Variants in RNF187 observed in about 807,000 individuals in gnomAD.
RNF187 encodes ring finger protein 187, also known as E3 ubiquitin-protein ligase RNF187.
Under a neutral mutation model 22.2 loss-of-function variants are expected in RNF187, and 18 were observed. The observed-to-expected ratio is 0.81, with a 90% CI of 0.56 to 1.20. The LOEUF (loss-of-function observed/expected upper bound fraction) is 1.20, where lower values mean the gene tolerates loss of function less well. RNF187 is among the 50% of genes most tolerant of loss of function. The pLI, the probability that RNF187 is intolerant of heterozygous loss-of-function variation, is 0.00. For synonymous variants in RNF187, 164 were observed against 140.9 expected, an observed-to-expected ratio of 1.16 and a Z score of -1.16; for missense variants, 329 against 317.6, an observed-to-expected ratio of 1.04 and a Z score of -0.27.
chr1:228,491,399 A>AAAAT lies in RNF187; in HGVS notation c.484-1651_484-1650insTAAA. Among the ~76,000 whole-genome samples, 49 of 150,408 alleles carry AAAAT rather than the reference A, an allele frequency of 3.3e-4. 1 individual carries two copies. The highest frequency in any genetic ancestry group is 1.2e-3 in the African/African-American group (48 of 40,652). On this transcript the variant is annotated intron_variant, in intron 2 of 3. Transcript: ENST00000305943. ...TGAGGCCCTATCTCAAAAAAAAAAA[A>AAAAT]AAAAAAAAAATAAAGGGAGATGGGT...
At chr1:228,488,795 C>T in intron 1 of RNF187, among the ~76,000 whole-genome samples, 165 bp from the exon 2 acceptor site, 1 of 152,252 alleles carries the variant, frequency 6.6e-6, no homozygotes, top group Non-Finnish European at 1.5e-5. Context: ...GCCCAAGAAA[C>T]CTTTTGACTG....
chr1:228,494,905 G>A lies in RNF187; in HGVS notation c.*1020G>A. 1 of 985,456 alleles carries A rather than the reference G, an allele frequency of 1.0e-6. No individual in the cohort carries two copies. The highest frequency in any genetic ancestry group is 4.7e-5 in the South Asian group (1 of 21,282). 61.0% of individuals were successfully genotyped at this position (985,456 alleles called of 1,614,324 possible). On this transcript the variant is annotated 3_prime_UTR_variant, in exon 4 of 4. Transcript: ENST00000305943. ...CTGAGTCCCCGGCCCTTGGTGCGATGTCTGTGAGTTTGACCTGCCCAGCGT... is the reference window on the plus strand; with the variant it reads ...CTGAGTCCCCGGCCCTTGGTGCGATATCTGTGAGTTTGACCTGCCCAGCGT...
Position 228,495,822 on chromosome 1 carries a change from TG to T in RNF187, c.*1938del. The T allele has an allele frequency of 3.4e-6, 3 of 876,966 alleles. No homozygotes were observed. The highest frequency in any genetic ancestry group is 4.1e-6 in the Non-Finnish European group (3 of 731,296). The allele number at this position is 876,966 out of a possible 1,614,324, so 54.3% of individuals were successfully genotyped here. On this transcript the variant is annotated 3_prime_UTR_variant, in exon 4 of 4. Transcript: ENST00000305943. ...GTGACAGATTAATGTATCCATCTCATGTTTTTTTTGGTGGTGAGAATATTTG... is the reference window on the plus strand; with the variant it reads ...GTGACAGATTAATGTATCCATCTCATTTTTTTTTGGTGGTGAGAATATTTG...
chr1:228,487,460 C>T lies in RNF187; in HGVS notation c.-29C>T. The T allele has an allele frequency of 3.6e-6, 4 of 1,107,192 alleles. No homozygotes were observed. The highest frequency in any genetic ancestry group is 5.5e-5 in the East Asian group (1 of 18,148). 68.6% of individuals were successfully genotyped at this position (1,107,192 alleles called of 1,614,324 possible). On this transcript the variant is annotated 5_prime_UTR_variant, in exon 1 of 4. Transcript: ENST00000305943. ...CTCCGGCCCTCCCCAGCCGCTCCTG[C>T]GCCCTTGCCGGCCCCGCCGCCCGCA...
rs948988453 is a variant in RNF187 at position 228,487,427 on chromosome 1, G to C, written c.-62G>C. 6 of 1,085,744 alleles carry C rather than the reference G, an allele frequency of 5.5e-6. No homozygotes were observed. The highest frequency in any genetic ancestry group is 6.7e-6 in the Non-Finnish European group (6 of 896,142). 67.3% of individuals were successfully genotyped at this position (1,085,744 alleles called of 1,614,324 possible). ...GCTGGTCTCCGTCCGGTCGCCGGCC[G>C]TCTAGGTCTCCGGCCCTCCCCAGCC... On this transcript the variant is annotated 5_prime_UTR_variant, in exon 1 of 4. Coordinates refer to ENST00000305943, the MANE Select transcript of RNF187 (RefSeq NM_001010858.3).
intron 1 of RNF187, 67 bp downstream of exon 1, chr1:228,487,945 TC>T: frequency 3.3e-6 from 3 of 895,718 alleles, no homozygotes; most frequent in South Asian, 4.8e-5. Context: ...CCCGCCCCGG[TC>T]CCCCTGAGCC....
At chr1:228,491,246 C>T in intron 2 of RNF187, among the ~76,000 whole-genome samples, 1 of 151,590 alleles carries the variant, frequency 6.6e-6, no homozygotes, top group African/African-American at 2.4e-5. Flanking sequence ...ATAAATTAGC[C>T]AGGTATGGTG....
In RNF187 at chr1:228,495,750, A is replaced by C; in HGVS notation, c.*1865A>C. The C allele has an allele frequency of 2.0e-6, 2 of 984,156 alleles. No homozygotes were observed. The highest frequency in any genetic ancestry group is 2.4e-6 in the Non-Finnish European group (2 of 828,872). The allele number at this position is 984,156 out of a possible 1,614,324, so 61.0% of individuals were successfully genotyped here. ...CTCTTTCTATTTAAGAAAATTATAT[A>C]TTTATGGGGCACAGTGTGATGTTTT... is the stretch of plus-strand genomic sequence containing the variant. On this transcript the variant is annotated 3_prime_UTR_variant, in exon 4 of 4. Coordinates refer to ENST00000305943, the MANE Select transcript of RNF187 (RefSeq NM_001010858.3).
chr1:228,488,149 G>C, intron 1 of RNF187: 1 of 167,956 alleles, frequency 6.0e-6, no homozygotes, highest in African/African-American at 2.4e-5. Flanking sequence ...CCTGCTGGGC[G>C]GTGCCTTATC....
Position 228,493,158 on chromosome 1 carries a change from G to A in RNF187, c.589G>A (p.Glu197Lys). Residue 197 changes from glutamate (E) to lysine (K), a missense_variant, in exon 3 of 4, where the codon GAG (glutamate) becomes AAG (lysine). Physicochemically the swap from Glu to Lys is moderately conservative, Grantham distance 56. Coordinates refer to ENST00000305943, the MANE Select transcript of RNF187 (RefSeq NM_001010858.3). The surrounding 1 kb of genome is among the most constrained non-coding windows in gnomAD (Gnocchi z 4.7). ...TTTCCTGCAGGAGGCTGAGAAGGAG[G>A]AGGGGCTCCCTGAGGACGAGCTGGC... 6.4e-7 allele frequency: 1 copy of A among 1,551,760 alleles called. No individual in the cohort carries two copies. The highest frequency in any genetic ancestry group is 8.7e-7 in the Non-Finnish European group (1 of 1,146,996).
intron 2 of RNF187, among the ~76,000 whole-genome samples, chr1:228,491,927 T>C: frequency 6.6e-6 from 1 of 152,228 alleles, no homozygotes; most frequent in East Asian, 1.9e-4. Context: ...CCAAATTCTG[T>C]CGGCCTTGAC....
In RNF187 at chr1:228,493,451, A is replaced by G; in HGVS notation, c.705+177A>G. ...GTGGGTGGTCAGGGAAGGTGATGGGAAGGGGTTTTAAGTTGAGGAGGGTCT... is the reference window on the plus strand; with the variant it reads ...GTGGGTGGTCAGGGAAGGTGATGGGGAGGGGTTTTAAGTTGAGGAGGGTCT... On this transcript the variant is annotated intron_variant, in intron 3 of 3. Transcript: ENST00000305943. This position sits in a 1 kb window ranked among gnomAD's most constrained non-coding sequence, Gnocchi z 4.7. Among the ~76,000 whole-genome samples the G allele has an allele frequency of 6.6e-6, 1 of 152,164 alleles. No individual in the cohort carries two copies. Among genetic ancestry groups the G allele is most frequent in the Non-Finnish European group, 1.5e-5 (1 of 68,006 alleles).
chr1:228,490,709 C>CT, intron 2 of RNF187, among the ~76,000 whole-genome samples: 1 of 152,212 alleles, frequency 6.6e-6, no homozygotes, highest in Non-Finnish European at 1.5e-5. Context: ...GGAAGCCATC[C>CT]ATGACTGAGT....
Position 228,496,105 on chromosome 1 carries a change from G to T in RNF187, c.*2220G>T. Among the ~76,000 whole-genome samples the T allele has an allele frequency of 6.6e-6, 1 of 152,192 alleles. No homozygotes were observed. The highest frequency in any genetic ancestry group is 2.1e-4 in the South Asian group (1 of 4,826). On this transcript the variant is annotated 3_prime_UTR_variant, in exon 4 of 4. Transcript: ENST00000305943. Reference sequence around the variant, plus strand: ...GCAGGGACTCTGTACCCTCTGACTAGAATTTCCCCAAATCCTCTTGTCTCA... The same window carrying T: ...GCAGGGACTCTGTACCCTCTGACTATAATTTCCCCAAATCCTCTTGTCTCA...
chr1:228,490,600 G>A lies in RNF187; in HGVS notation c.483+1548G>A. ...AGTTTGCAGCGTGTTGCATCAGCCA[G>A]CCAGCAGACACCCAGCTGTCATTTG... On this transcript the variant is annotated intron_variant, in intron 2 of 3. Coordinates refer to ENST00000305943, the MANE Select transcript of RNF187 (RefSeq NM_001010858.3). 7.5e-4 allele frequency among the ~76,000 whole-genome samples: 115 copies of A among 152,344 alleles called. 1 individual carries two copies. Among genetic ancestry groups the A allele is most frequent in the East Asian group, 5.2e-3 (27 of 5,188 alleles).
intron 1 of RNF187, 28 bp downstream of exon 1, chr1:228,487,906 C>T: frequency 7.6e-6 from 9 of 1,180,258 alleles, no homozygotes; most frequent in Non-Finnish European, 8.4e-6. Context: ...CCGTGCCCCA[C>T]CCCGGACGGT....
intron 2 of RNF187, among the ~76,000 whole-genome samples, chr1:228,491,252 T>C: frequency 6.6e-6 from 1 of 151,582 alleles, no homozygotes; most frequent in Non-Finnish European, 1.5e-5. Flanking sequence ...TAGCCAGGTA[T>C]GGTGTTGCAT....
At position 228,491,413 on chromosome 1, in the gene RNF187, AG is replaced by A; in HGVS notation, c.484-1637del. 8.9e-4 allele frequency among the ~76,000 whole-genome samples: 131 copies of A among 146,910 alleles called. 1 individual carries two copies. Among genetic ancestry groups the A allele is most frequent in the Non-Finnish European group, 1.6e-3 (108 of 66,852 alleles). On this transcript the variant is annotated intron_variant, in intron 2 of 3. Transcript: ENST00000305943. ...AAAAAAAAAAAAAAAAAAAAAATAA[AG>A]GGAGATGGGTTAATGGGAGAAAAAA...
In RNF187 at chr1:228,493,257, C is replaced by G. The variant is rs749654175; in HGVS notation, c.688C>G (p.Leu230Val). The change falls in exon 3 of 4, where the codon CTC becomes GTC. Residue 230 changes from leucine to valine, a missense_variant. Leu to Val is a conservative substitution (Grantham distance 32). Transcript: ENST00000305943. This position sits in a 1 kb window ranked among gnomAD's most constrained non-coding sequence, Gnocchi z 4.7. ...GGAGAAGAAGCATCGCAACCTGGGC[C>G]TCAGCATGCTGCTGCAGGTGCGGGA... The G allele has an allele frequency of 6.4e-7, 1 of 1,550,414 alleles. No homozygotes were observed. The highest frequency in any genetic ancestry group is 1.2e-5 in the South Asian group (1 of 84,006).
Sources: gnomAD v4.1 joint callset for allele counts (sites outside exome capture counted in the v4.1 genomes callset) on GRCh38, gnomAD v4.1.1 for gene constraint, Gnocchi (gnomAD v3.1) non-coding constraint, MANE v1.5 for transcripts, NCBI Gene and HGNC (gene_info 2026-07-23, HGNC 2026-07-21) for gene names.